SND1: variants seen among roughly 807,000 people sequenced by gnomAD.
The protein encoded by SND1 is staphylococcal nuclease and tudor domain containing 1.
A neutral mutation model predicts 121.7 loss-of-function variants in SND1; 38 were observed. That is an observed-to-expected ratio of 0.31 (90% CI 0.24 to 0.41). SND1 has a LOEUF of 0.41. Ranked by LOEUF, SND1 falls within the 10% of genes least tolerant of loss-of-function variation. The pLI, the probability that SND1 is intolerant of heterozygous loss-of-function variation, is 1.00. For missense variants in SND1, 868 were observed against 1,184.6 expected (o/e 0.73, Z 3.92); for synonymous variants, 401 against 447.4 (o/e 0.90, Z 1.31).
rs146781115 is a variant in SND1, at chr7:128,084,968, A to G, written c.2234+121A>G. 8,773 of 1,032,006 alleles carry G rather than the reference A, an allele frequency of 8.5e-3. 57 individuals carry two copies. The highest frequency in any genetic ancestry group is 0.013 in the South Asian group (713 of 53,660). 63.9% of individuals were successfully genotyped at this position (1,032,006 alleles called of 1,614,324 possible). On this transcript the variant is annotated intron_variant, in intron 19 of 23. Coordinates refer to ENST00000354725, the MANE Select transcript of SND1 (RefSeq NM_014390.4). Reference sequence around the variant, plus strand: ...CAGCTGGTTAATGATGGCCCCTAGCAGCTCTCCTGGGTGTCCCTCTTCATT... The same window carrying G: ...CAGCTGGTTAATGATGGCCCCTAGCGGCTCTCCTGGGTGTCCCTCTTCATT...
intron 12 of SND1, among the ~76,000 whole-genome samples, chr7:127,846,507 G>C (rs1284381360): frequency 1.3e-5 from 2 of 152,156 alleles, no homozygotes; most frequent in Non-Finnish European, 2.9e-5. Context: ...TCCTTCATTA[G>C]ACTGTTGTGT....
intron 11 of SND1, among the ~76,000 whole-genome samples, chr7:127,834,235 T>C (rs1202612920): frequency 3.3e-5 from 5 of 152,214 alleles, no homozygotes; most frequent in Non-Finnish European, 7.3e-5. Context: ...GTGGATCATA[T>C]AGTAATTCTA....
chr7:127,895,692 G>T (rs1265350290), intron 13 of SND1, among the ~76,000 whole-genome samples: 1 of 152,118 alleles, frequency 6.6e-6, no homozygotes. Flanking sequence ...GCAGCTGAAC[G>T]TGGGGAAATT....
intron 1 of SND1, among the ~76,000 whole-genome samples, chr7:127,674,112 C>T (rs1795575671): frequency 1.3e-5 from 2 of 151,522 alleles, no homozygotes; most frequent in South Asian, 4.2e-4. Flanking sequence ...CTGCCTTGCT[C>T]TCTCCTTTCC....
intron 11 of SND1, among the ~76,000 whole-genome samples, chr7:127,838,878 T>G (rs1798914288): frequency 6.6e-6 from 1 of 152,210 alleles, no homozygotes; most frequent in Non-Finnish European, 1.5e-5. Context: ...CCTAAGAAAA[T>G]TAGTACATGT....
chr7:128,044,301 A>C (rs577308958), intron 16 of SND1, among the ~76,000 whole-genome samples: 3 of 152,302 alleles, frequency 2.0e-5, no homozygotes, highest in African/African-American at 7.2e-5. Context: ...TGTAGCACAG[A>C]AAGATTTATT....
At chr7:127,959,179 T>C (rs1183909233) in intron 15 of SND1, among the ~76,000 whole-genome samples, 1 of 152,162 alleles carries the variant, frequency 6.6e-6, no homozygotes, top group Non-Finnish European at 1.5e-5. Flanking sequence ...GTGTGCTCTA[T>C]GTCTTTACTC....
chr7:127,655,638 G>A (rs1414973950), intron 1 of SND1, among the ~76,000 whole-genome samples: 1 of 152,162 alleles, frequency 6.6e-6, no homozygotes, highest in African/African-American at 2.4e-5. Context: ...AACCCTGAAG[G>A]ATTTAAAATC....
chr7:127,757,016 A>G (rs1166037893), intron 10 of SND1, among the ~76,000 whole-genome samples: 1 of 152,192 alleles, frequency 6.6e-6, no homozygotes, highest in Non-Finnish European at 1.5e-5. Context: ...ATATATATCT[A>G]TATGCATAAA....
intron 16 of SND1, among the ~76,000 whole-genome samples, chr7:128,005,780 A>G (rs1802959607): frequency 1.3e-5 from 2 of 152,276 alleles, no homozygotes; most frequent in Non-Finnish European, 2.9e-5. Flanking sequence ...TCCAACTCCG[A>G]GGCTTGCTTT....
chr7:128,066,982 G>A (rs12530569), intron 16 of SND1, among the ~76,000 whole-genome samples: 2,048 of 152,204 alleles, frequency 0.013, 44 homozygotes, highest in Middle Eastern at 0.037. Flanking sequence ...TCCATTTCCC[G>A]CGCCCCCCTG....
chr7:128,012,896 T>C (rs545047799), intron 16 of SND1, among the ~76,000 whole-genome samples: 7 of 152,190 alleles, frequency 4.6e-5, no homozygotes, highest in Admixed American at 1.3e-4. Context: ...GGAAGCGTTA[T>C]GGACTGCCCA....
At chr7:127,844,846 C>T (rs1799029195) in intron 12 of SND1, among the ~76,000 whole-genome samples, 2 of 152,174 alleles carry the variant, frequency 1.3e-5, no homozygotes, top group African/African-American at 4.8e-5. Context: ...AATCAGTAGA[C>T]GATGAGGTCA....
rs191128462 is a variant in SND1 at position 127,796,011 on chromosome 7, C to G, written c.1153-11473C>G. Among the ~76,000 whole-genome samples the G allele has an allele frequency of 3.2e-4, 48 of 152,176 alleles. 1 individual carries two copies. The highest frequency in any genetic ancestry group is 3.1e-3 in the Admixed American group (47 of 15,268). On this transcript the variant is annotated intron_variant, in intron 10 of 23. Coordinates refer to ENST00000354725, the MANE Select transcript of SND1 (RefSeq NM_014390.4). ...TAGCTGGGACTACGGGCGCCCATCA[C>G]CACTACCAGCTAATTTTTTATATTT... is the stretch of plus-strand genomic sequence containing the variant.
chr7:127,680,089 C>T (rs539505451), intron 1 of SND1, among the ~76,000 whole-genome samples: 5 of 152,204 alleles, frequency 3.3e-5, no homozygotes, highest in South Asian at 2.1e-4. Flanking sequence ...CGTCACATGT[C>T]GGTAGGTTCC....
chr7:127,985,099 T>C (rs1802354689), intron 15 of SND1, among the ~76,000 whole-genome samples: 2 of 152,182 alleles, frequency 1.3e-5, no homozygotes, highest in South Asian at 4.1e-4. Flanking sequence ...CACCACTCCC[T>C]CCCTCTCTGC....
intron 10 of SND1, among the ~76,000 whole-genome samples, chr7:127,776,904 C>T (rs1797631047): frequency 6.6e-6 from 1 of 152,182 alleles, no homozygotes; most frequent in African/African-American, 2.4e-5. Flanking sequence ...TGCTAGGGGA[C>T]CAATTAGTTT....
intron 15 of SND1, among the ~76,000 whole-genome samples, chr7:127,931,130 A>ACAAAGCT (rs1325661893): frequency 6.6e-6 from 1 of 152,142 alleles, no homozygotes; most frequent in Non-Finnish European, 1.5e-5. Context: ...AGAAAACCAA[A>ACAAAGCT]CAAAGCTTGG....
chr7:127,776,731 AG>A (rs1797627266), intron 10 of SND1, among the ~76,000 whole-genome samples: 1 of 152,196 alleles, frequency 6.6e-6, no homozygotes, highest in Non-Finnish European at 1.5e-5. Context: ...ATCCAAGTAC[AG>A]GGGTGGTATA....
Sources: gnomAD v4.1 joint callset for allele counts (sites outside exome capture counted in the v4.1 genomes callset) on GRCh38, gnomAD v4.1.1 for gene constraint, MANE v1.5 for transcripts, NCBI Gene and HGNC (gene_info 2026-07-23, HGNC 2026-07-21) for gene names.